Variants in RGR observed in about 807,000 individuals in gnomAD.
The protein encoded by RGR is RPE-retinal G protein-coupled receptor.
In RGR, 30 loss-of-function variants were observed where a neutral mutation model predicts 28.6. The ratio of observed to expected loss-of-function variants is 1.05; its 90% CI spans 0.78 to 1.42. RGR has a LOEUF of 1.42. RGR is among the 40% of genes most tolerant of loss of function. The pLI is 0.00. For synonymous variants in RGR, 180 were observed against 156.4 expected (o/e 1.15, Z -1.13); for missense variants, 404 against 375.6 (o/e 1.08, Z -0.62).
rs761554381 is a variant in RGR, at chr10:84,247,747, G to T, written c.236G>T (p.Arg79Leu). 25 of 1,614,100 alleles carry T rather than the reference G, an allele frequency of 1.5e-5. No individual in the cohort carries two copies. Among genetic ancestry groups the T allele is most frequent in the Non-Finnish European group, 2.1e-5 (25 of 1,180,002 alleles). ...GTTGCAGCCACATCCAGCCTTCTCCGGTACCAGCCCCCTCCCCAGTCCACA... is the reference window on the plus strand; with the variant it reads ...GTTGCAGCCACATCCAGCCTTCTCCTGTACCAGCCCCCTCCCCAGTCCACA... ...ALVAATSSLL[R>L]RWPYGSDGCQ... is the part of the protein sequence containing the mutation. The change falls in exon 2 of 7, where the codon CGG becomes CTG. Residue 79 changes from arginine (R) to leucine (L), a missense_variant and splice_region_variant. By Grantham distance (102) the Arg-to-Leu change is moderately radical. Transcript: ENST00000652092.
At chr10:84,250,978 T>TA (rs56989887) in intron 3 of RGR, 28 of 150,996 alleles carry the variant, frequency 1.9e-4, no homozygotes, top group African/African-American at 6.6e-4. Flanking sequence ...CTTATGCCTG[T>TA]AATCCCAACA....
Position 84,247,648 on chromosome 10 carries a change from A to G in RGR, c.137A>G (p.Glu46Gly). 1 of 1,614,012 alleles carries G rather than the reference A, an allele frequency of 6.2e-7. No individual in the cohort carries two copies. Among genetic ancestry groups the G allele is most frequent in the Non-Finnish European group, 8.5e-7 (1 of 1,180,010 alleles). Reference sequence around the variant, plus strand: ...ATCTTCTCTTTCTGCAAGACCCCGGAGCTGCGGACTCCCTGCCACCTACTG... The same window carrying G: ...ATCTTCTCTTTCTGCAAGACCCCGGGGCTGCGGACTCCCTGCCACCTACTG... ...LTIFSFCKTP[E>G]LRTPCHLLVL... Residue 46 changes from glutamate (E) to glycine (G), a missense_variant, in exon 2 of 7, where the codon GAG (glutamate) becomes GGG (glycine). By Grantham distance (98) the Glu-to-Gly change is moderately conservative (BLOSUM62 -2). Coordinates refer to ENST00000652092, the MANE Select transcript of RGR (RefSeq NM_001012720.2).
intron 4 of RGR, 119 bp from the exon 5 acceptor site, chr10:84,254,207 G>C: frequency 1.1e-6 from 1 of 886,856 alleles, no homozygotes; most frequent in Non-Finnish European, 1.9e-6. Flanking sequence ...CACACTGCGA[G>C]CTTGTCTGAA....
At chr10:84,249,118 A>G in intron 3 of RGR, 75 bp downstream of exon 3, 8 of 1,589,678 alleles carry the variant, frequency 5.0e-6, no homozygotes, top group Non-Finnish European at 6.9e-6. Flanking sequence ...AGGGGCAGTC[A>G]TAACTAGCTA....
rs755518071 is a variant in RGR, at chr10:84,258,508, G to C, written c.745G>C (p.Val249Leu). The C allele has an allele frequency of 6.2e-7, 1 of 1,614,184 alleles. No homozygotes were observed. Among genetic ancestry groups the C allele is most frequent in the South Asian group, 1.1e-5 (1 of 91,084 alleles). ...TTTCTGGACTTTTCTGCCACAACAG[G>C]TGCCCGCCCTCATTGCCAAAATGGT... ...VTSISPKLQM[V>L]PALIAKMVPT... is the part of the protein sequence containing the mutation. Residue 249 changes from valine (V) to leucine (L), a missense_variant and splice_region_variant, in exon 7 of 7, where the codon GTG (valine) becomes CTG (leucine). Physicochemically the swap from Val to Leu is conservative, Grantham distance 32. Coordinates refer to ENST00000652092, the MANE Select transcript of RGR (RefSeq NM_001012720.2).
intron 5 of RGR, among the ~76,000 whole-genome samples, chr10:84,257,088 TAATC>T (rs1312908860): frequency 3.3e-5 from 5 of 152,204 alleles, no homozygotes; most frequent in Non-Finnish European, 7.3e-5. Flanking sequence ...TCTTCCAGCT[TAATC>T]ACCCTCTTTG....
intron 5 of RGR, chr10:84,255,216 C>T (rs1057203260): frequency 6.4e-6 from 1 of 156,402 alleles, no homozygotes. Flanking sequence ...GAAAATCCAG[C>T]TTGTGCACAG....
chr10:84,253,011 G>A lies in RGR; in HGVS notation c.512+1G>A. ...CCCTGGACTACTCCAAGGGGGACAG[G>A]TGAGGTGGGAGGAGCAGCTTCGAGG... On this transcript the variant is annotated splice_donor_variant, in intron 4 of 6. Transcript: ENST00000652092. LOFTEE classifies it high-confidence loss of function. 1 of 1,613,220 alleles carries A rather than the reference G, an allele frequency of 6.2e-7. No individual in the cohort carries two copies. The highest frequency in any genetic ancestry group is 8.5e-7 in the Non-Finnish European group (1 of 1,179,974).
rs1211095362 is a variant in RGR at position 84,259,423 on chromosome 10, A to T, written c.*784A>T. The T allele has an allele frequency of 3.9e-5, 6 of 152,414 alleles. No homozygotes were observed. Among genetic ancestry groups the T allele is most frequent in the South Asian group, 4.1e-4 (2 of 4,834 alleles). The allele number at this position is 152,414 out of a possible 1,614,324, so 9.4% of individuals were successfully genotyped here. ...ATACCAGTAGTAGGACTGCTGGATC[A>T]AATGGTAGCTCTATTTTTAAGACAG... On this transcript the variant is annotated 3_prime_UTR_variant, in exon 7 of 7. Transcript: ENST00000652092.
chr10:84,258,474 G>T (rs1842915111), intron 6 of RGR, 34 bp from the exon 7 acceptor site: 1 of 1,613,940 alleles, frequency 6.2e-7, no homozygotes, highest in Admixed American at 1.7e-5. Context: ...CAGTGGCTTT[G>T]AAGCTTCTTT....
At chr10:84,251,260 A>G (rs914088307) in intron 3 of RGR, among the ~76,000 whole-genome samples, 13 of 152,162 alleles carry the variant, frequency 8.5e-5, no homozygotes, top group African/African-American at 2.9e-4. Context: ...AAAAGACAGG[A>G]AGAACTGACA....
In RGR at chr10:84,258,733, T is replaced by TCCC; in HGVS notation, c.*96_*98dup. On this transcript the variant is annotated 3_prime_UTR_variant, in exon 7 of 7. Transcript: ENST00000652092. The stretch of plus-strand genomic sequence containing the variant: ...GCCAAGCCCAGACACTCACCCACCT[T>TCCC]CCCCAGTGGCCCCGTGGATCCTGGT... The TCCC allele has an allele frequency of 6.4e-7, 1 of 1,567,158 alleles. No homozygotes were observed.
chr10:84,245,204 C>G (rs371055251), intron 1 of RGR, 35 bp downstream of exon 1: 1 of 1,602,732 alleles, frequency 6.2e-7, no homozygotes, highest in South Asian at 1.1e-5. Flanking sequence ...CAGCGGGGGC[C>G]CAGTGGGTTC....
rs760426665 is a variant in RGR, at chr10:84,258,495, T to C, written c.745-13T>C. 4.7e-5 allele frequency: 76 copies of C among 1,614,056 alleles called. No individual in the cohort carries two copies. The highest frequency in any genetic ancestry group is 6.1e-5 in the Non-Finnish European group (72 of 1,180,022). On this transcript the variant is annotated splice_polypyrimidine_tract_variant and intron_variant, in intron 6 of 6. Coordinates refer to ENST00000652092, the MANE Select transcript of RGR (RefSeq NM_001012720.2). The stretch of plus-strand genomic sequence containing the variant: ...CTTTGAAGCTTCTTTTCTGGACTTT[T>C]CTGCCACAACAGGTGCCCGCCCTCA...
At chr10:84,255,727 T>C (rs1008031306) in intron 5 of RGR, among the ~76,000 whole-genome samples, 258 of 148,714 alleles carry the variant, frequency 1.7e-3, no homozygotes, top group African/African-American at 3.7e-3. Context: ...TCTTTTTTTT[T>C]TTTTTTTTTT....
chr10:84,248,730 G>C (rs1842778025), intron 2 of RGR, 192 bp from the exon 3 acceptor site: 1 of 892,640 alleles, frequency 1.1e-6, no homozygotes, highest in Non-Finnish European at 1.7e-6. Context: ...AGCCTGGAGA[G>C]TGTGCATTGG....
At chr10:84,251,531 T>C (rs1278733162) in intron 3 of RGR, among the ~76,000 whole-genome samples, 1 of 152,196 alleles carries the variant, frequency 6.6e-6, no homozygotes, top group East Asian at 1.9e-4. Flanking sequence ...AGAGAGAGAT[T>C]GTCACTCTTG....
chr10:84,257,154 T>G (rs1010115620), intron 5 of RGR, among the ~76,000 whole-genome samples: 8 of 152,234 alleles, frequency 5.3e-5, no homozygotes, highest in African/African-American at 1.9e-4. Flanking sequence ...AGCGTCAGAA[T>G]TGCACGTCCG....
intron 1 of RGR, among the ~76,000 whole-genome samples, chr10:84,247,120 C>T (rs1842755849): frequency 6.6e-6 from 1 of 152,188 alleles, no homozygotes; most frequent in African/African-American, 2.4e-5. Context: ...AGAGTACGCC[C>T]CCTTCATGTT....
Sources: gnomAD v4.1 joint callset for allele counts (sites outside exome capture counted in the v4.1 genomes callset) on GRCh38, gnomAD v4.1.1 for gene constraint, MANE v1.5 for transcripts, NCBI Gene and HGNC (gene_info 2026-07-23, HGNC 2026-07-21) for gene names.